The following PCDH15 variants were observed in gnomAD, a reference collection of about 807,000 sequenced individuals.
PCDH15 encodes protocadherin-15.
Under a neutral mutation model 178.5 loss-of-function variants are expected in PCDH15, and 129 were observed. The observed-to-expected ratio is 0.72, with a 90% confidence interval of 0.63 to 0.84. The LOEUF is 0.84. Among genes scored for constraint, PCDH15 ranks in the 40% least tolerant of loss-of-function variants. The pLI is 0.00. For synonymous variants in PCDH15, 800 were observed against 732.0 expected (o/e 1.09, Z -1.50); for missense variants, 2,230 against 2,099.9 (o/e 1.06, Z -1.21).
intron 3 of PCDH15, among the ~76,000 whole-genome samples, chr10:54,465,901 T>C (rs2077486094): frequency 6.6e-6 from 1 of 151,960 alleles, no homozygotes; most frequent in East Asian, 1.9e-4. Flanking sequence ...CTCCCCAGCA[T>C]TTATATATAT....
At chr10:53,811,392 T>C (rs2075858362) in intron 36 of PCDH15, among the ~76,000 whole-genome samples, 157 bp downstream of exon 36, 1 of 152,078 alleles carries the variant, frequency 6.6e-6, no homozygotes, top group Non-Finnish European at 1.5e-5. Context: ...AAAACTTGGT[T>C]AAAAATAAAG....
In PCDH15 at chr10:54,316,209, C is replaced by T. The variant is rs371198088; in HGVS notation, c.876+1062G>A. 1.8e-4 allele frequency among the ~76,000 whole-genome samples: 28 copies of T among 152,048 alleles called. No homozygotes were observed. The South Asian group carries it at 5.4e-3, about 29-fold the overall frequency. On this transcript the variant is annotated intron_variant, in intron 8 of 37. Transcript: ENST00000644397. ...CAGTGATCATTGCTGTGAGTAGACT[C>T]AAAAGTGATTCTCAGCTATTTTAGA...
intron 2 of PCDH15, among the ~76,000 whole-genome samples, chr10:55,614,768 TC>T (rs1196085080): frequency 2.6e-5 from 4 of 152,190 alleles, no homozygotes; most frequent in Non-Finnish European, 1.5e-5. Flanking sequence ...TTGGTTTATT[TC>T]TATAGCTTTT....
intron 3 of PCDH15, among the ~76,000 whole-genome samples, chr10:54,397,287 G>A (rs760789586): frequency 1.3e-5 from 2 of 152,026 alleles, no homozygotes; most frequent in Non-Finnish European, 2.9e-5. Context: ...TTGTTATCCA[G>A]AAAGATATTT....
chr10:54,357,533 A>T (rs934513571), intron 5 of PCDH15, among the ~76,000 whole-genome samples: 7 of 152,156 alleles, frequency 4.6e-5, no homozygotes, highest in African/African-American at 1.7e-4. Context: ...CAAATGGAAG[A>T]ACATTCCATG....
chr10:54,933,323 T>C (rs1837828159), intron 2 of PCDH15, among the ~76,000 whole-genome samples: 1 of 152,162 alleles, frequency 6.6e-6, no homozygotes. Flanking sequence ...GGTCTGCTGA[T>C]TGTGACAGTT....
At chr10:55,388,253 T>A (rs1837708949) in intron 2 of PCDH15, among the ~76,000 whole-genome samples, 2 of 152,126 alleles carry the variant, frequency 1.3e-5, no homozygotes, top group Non-Finnish European at 2.9e-5. Context: ...ATGTTTAACA[T>A]TATTTTTAAC....
intron 3 of PCDH15, among the ~76,000 whole-genome samples, chr10:54,522,096 A>G (rs1314226616): frequency 6.6e-6 from 1 of 151,328 alleles, no homozygotes; most frequent in East Asian, 1.9e-4. Flanking sequence ...TCAAAAAAAA[A>G]AAAAAAAAAA....
At chr10:54,656,825 G>A (rs531056035) in intron 2 of PCDH15, among the ~76,000 whole-genome samples, 3 of 152,216 alleles carry the variant, frequency 2.0e-5, no homozygotes, top group South Asian at 2.1e-4. Context: ...GAGTGGCACC[G>A]GCAGCCGGGA....
chr10:54,414,709 C>G (rs1954064195), intron 3 of PCDH15, among the ~76,000 whole-genome samples: 1 of 151,896 alleles, frequency 6.6e-6, no homozygotes, highest in Non-Finnish European at 1.5e-5. Flanking sequence ...AGATACATGC[C>G]ATTATCAGCA....
chr10:55,242,622 G>A (rs1193530652), intron 1 of PCDH15, among the ~76,000 whole-genome samples: 1 of 151,934 alleles, frequency 6.6e-6, no homozygotes, highest in Admixed American at 6.6e-5. Context: ...CAGGCAGATC[G>A]CTTGAGCCCA....
At chr10:55,579,597 G>C (rs923189590) in intron 2 of PCDH15, among the ~76,000 whole-genome samples, 2 of 152,070 alleles carry the variant, frequency 1.3e-5, no homozygotes, top group Non-Finnish European at 2.9e-5. Flanking sequence ...GCAAAATTAG[G>C]TATTATGGAA....
At position 54,369,914 on chromosome 10, in the gene PCDH15, G is replaced by C. The variant is rs564849157; in HGVS notation, c.319-639C>G. 1.3e-4 allele frequency among the ~76,000 whole-genome samples: 20 copies of C among 151,970 alleles called. No homozygotes were observed. In the South Asian group the frequency reaches 4.2e-3, roughly 32 times the overall value. ...TATAGCATTTTTTGTATAATACTAT[G>C]AAGTTATGTTATGTGACAGCAATAT... On this transcript the variant is annotated intron_variant, in intron 4 of 37. Coordinates refer to ENST00000644397, the MANE Select transcript of PCDH15 (RefSeq NM_001384140.1).
chr10:54,776,444 A>C (rs1431769977), intron 1 of PCDH15, among the ~76,000 whole-genome samples: 1 of 152,040 alleles, frequency 6.6e-6, no homozygotes, highest in Non-Finnish European at 1.5e-5. Flanking sequence ...AATTAAAAAA[A>C]AAAAAGATTC....
chr10:55,618,466 GACAA>G (rs1277018772), intron 2 of PCDH15, among the ~76,000 whole-genome samples: 3 of 151,940 alleles, frequency 2.0e-5, no homozygotes, highest in African/African-American at 2.4e-5. Context: ...TCAGTATCAT[GACAA>G]ACACTTTGAT....
intron 2 of PCDH15, among the ~76,000 whole-genome samples, chr10:55,363,193 C>T (rs754268528): frequency 6.6e-6 from 1 of 152,046 alleles, no homozygotes; most frequent in Non-Finnish European, 1.5e-5. Context: ...TTCAATGTAC[C>T]GATGAATATT....
At chr10:54,594,923 G>A (rs2092127529) in intron 2 of PCDH15, among the ~76,000 whole-genome samples, 1 of 152,170 alleles carries the variant, frequency 6.6e-6, no homozygotes, top group African/African-American at 2.4e-5. Context: ...CCATCCCTGA[G>A]AGGTCACTGC....
At chr10:54,238,677 T>TCTCTCTCTCTCA (rs1186937599) in intron 8 of PCDH15, among the ~76,000 whole-genome samples, 4 of 144,260 alleles carry the variant, frequency 2.8e-5, no homozygotes, top group Admixed American at 6.9e-5. Flanking sequence ...TCTCTCTCTC[T>TCTCTCTCTCTCA]CACACACACA....
Position 55,418,378 on chromosome 10 carries a change from G to A in PCDH15, c.-156+209247C>T, listed in dbSNP as rs572671435. Reference sequence around the variant, plus strand: ...GGCACTGATACTCTCATTCTCTATGGCATATAATTGGAATACTGCCTTATG... The same window carrying A: ...GGCACTGATACTCTCATTCTCTATGACATATAATTGGAATACTGCCTTATG... On this transcript the variant is annotated intron_variant, in intron 2 of 5. Transcript: ENST00000613346. Among the ~76,000 whole-genome samples, 21 of 151,774 alleles carry A rather than the reference G, an allele frequency of 1.4e-4. No homozygotes were observed. The South Asian group carries it at 4.1e-3, about 30-fold the overall frequency.
Sources: gnomAD v4.1 joint callset for allele counts (sites outside exome capture counted in the v4.1 genomes callset) on GRCh38, gnomAD v4.1.1 for gene constraint, MANE v1.5 for transcripts, NCBI Gene and HGNC (gene_info 2026-07-23, HGNC 2026-07-21) for gene names.